RGS8: variants seen among roughly 807,000 people sequenced by gnomAD.
RGS8 encodes the protein regulator of G-protein signaling 8.
RGS8 carries 8 observed loss-of-function variants against 21.7 expected under a neutral mutation model. The observed-to-expected ratio is 0.37, with a 90% confidence interval of 0.22 to 0.66. RGS8 has a LOEUF of 0.66. Among genes scored for constraint, RGS8 ranks in the 30% least tolerant of loss-of-function variants. RGS8 has a pLI of 0.59. For synonymous variants in RGS8, 80 were observed against 83.6 expected, an observed-to-expected ratio of 0.96 and a Z score of 0.24; for missense variants, 157 against 217.9, an observed-to-expected ratio of 0.72 and a Z score of 1.76.
At chr1:182,680,982 C>T (rs895409871) in intron 1 of RGS8, among the ~76,000 whole-genome samples, 3 of 152,230 alleles carry the variant, frequency 2.0e-5, no homozygotes, top group African/African-American at 4.8e-5. Flanking sequence ...AGGACCTTGC[C>T]TTCTCATCTC....
At chr1:182,683,824 C>T (rs1664619813) in intron 1 of RGS8, among the ~76,000 whole-genome samples, 1 of 152,046 alleles carries the variant, frequency 6.6e-6, no homozygotes, top group Non-Finnish European at 1.5e-5. Flanking sequence ...AATGTGTGAC[C>T]AACGTTAGTC....
At chr1:182,716,259 G>A in the RGS8 span, among the ~76,000 whole-genome samples, 6,136 of 151,650 alleles carry the variant, frequency 0.04, 137 homozygotes, top group Middle Eastern at 0.058. Flanking sequence ...CTGAGTAGCT[G>A]GGACTACAGG....
At chr1:182,739,649 G>T in the RGS8 span, among the ~76,000 whole-genome samples, 1 of 152,148 alleles carries the variant, frequency 6.6e-6, no homozygotes, top group African/African-American at 2.4e-5. Flanking sequence ...AGCCTAGGGG[G>T]AATCGCCATG....
chr1:182,709,985 CCAAT>C, the RGS8 span, among the ~76,000 whole-genome samples: 5 of 152,248 alleles, frequency 3.3e-5, no homozygotes, highest in Non-Finnish European at 7.4e-5. Flanking sequence ...TTAGTCAACT[CCAAT>C]CATTTTTCCA....
At chr1:182,739,031 C>G in the RGS8 span, among the ~76,000 whole-genome samples, 6 of 152,336 alleles carry the variant, frequency 3.9e-5, no homozygotes, top group South Asian at 8.3e-4. Flanking sequence ...AACTTCTGAT[C>G]TCTCCTCACC....
At chr1:182,702,312 G>T in the RGS8 span, among the ~76,000 whole-genome samples, 1 of 152,246 alleles carries the variant, frequency 6.6e-6, no homozygotes, top group East Asian at 1.9e-4. Flanking sequence ...CCAGGAACAG[G>T]CAACCAAATA....
the RGS8 span, among the ~76,000 whole-genome samples, chr1:182,705,153 G>A: frequency 6.6e-6 from 1 of 152,172 alleles, no homozygotes; most frequent in Admixed American, 6.5e-5. Context: ...TGGCTTACGT[G>A]ATTATGAAGG....
chr1:182,676,968 G>A (rs1223960207), upstream of RGS8, among the ~76,000 whole-genome samples: 1 of 152,194 alleles, frequency 6.6e-6, no homozygotes, highest in Non-Finnish European at 1.5e-5. Context: ...TGGGGGAAAT[G>A]CCCTGTAAAT....
At chr1:182,673,156 C>A (rs1664242583), upstream of RGS8, among the ~76,000 whole-genome samples, 1 of 152,192 alleles carries the variant, frequency 6.6e-6, no homozygotes, top group Admixed American at 6.5e-5. Flanking sequence ...GCCTTTGCTG[C>A]AAACCGTTTC....
intron 3 of RGS8, among the ~76,000 whole-genome samples, chr1:182,667,260 G>T (rs1239710710): frequency 1.3e-5 from 2 of 152,200 alleles, no homozygotes; most frequent in East Asian, 3.8e-4. Context: ...TCTAAATTAG[G>T]ATTCTCTGTA....
At chr1:182,647,912 G>T (rs1196942496) in intron 6 of RGS8, among the ~76,000 whole-genome samples, 1 of 152,198 alleles carries the variant, frequency 6.6e-6, no homozygotes, top group Non-Finnish European at 1.5e-5. Context: ...GCTAGCACAT[G>T]TTTAACTGAC....
chr1:182,672,242 G>C (rs561183290), upstream of RGS8: 18 of 175,932 alleles, frequency 1.0e-4, no homozygotes, highest in South Asian at 2.8e-4. Flanking sequence ...CGGGAGTGGG[G>C]AGCGTAAAGA....
chr1:182,731,863 C>G, the RGS8 span, among the ~76,000 whole-genome samples: 1 of 152,226 alleles, frequency 6.6e-6, no homozygotes, highest in Non-Finnish European at 1.5e-5. Context: ...TTAGTGGCAG[C>G]TAATCTCTCC....
chr1:182,675,788 C>T (rs571560549), upstream of RGS8, among the ~76,000 whole-genome samples: 1 of 152,138 alleles, frequency 6.6e-6, no homozygotes, highest in Non-Finnish European at 1.5e-5. Flanking sequence ...GCTGTAAGGC[C>T]CTCTGACAGC....
chr1:182,731,745 A>G, the RGS8 span, among the ~76,000 whole-genome samples: 1 of 152,240 alleles, frequency 6.6e-6, no homozygotes. Context: ...AGAAATCCTC[A>G]GAGTACTTGA....
intron 1 of RGS8, among the ~76,000 whole-genome samples, chr1:182,681,679 T>TG (rs1346535525): frequency 6.6e-6 from 1 of 152,186 alleles, no homozygotes; most frequent in Non-Finnish European, 1.5e-5. Flanking sequence ...GAGCACTCAG[T>TG]GAGACGCCTT....
chr1:182,649,095 C>G (rs550036309), intron 5 of RGS8, among the ~76,000 whole-genome samples: 1 of 151,810 alleles, frequency 6.6e-6, no homozygotes, highest in South Asian at 2.1e-4. Flanking sequence ...ACCAAAAATA[C>G]GTCTCATAAA....
intron 5 of RGS8, among the ~76,000 whole-genome samples, chr1:182,656,113 C>G (rs1449219114): frequency 1.3e-5 from 2 of 152,200 alleles, no homozygotes; most frequent in African/African-American, 4.8e-5. Context: ...AGTGTTAGCT[C>G]TTAGCAAAGT....
chr1:182,740,421 A>T, the RGS8 span, among the ~76,000 whole-genome samples: 2 of 152,290 alleles, frequency 1.3e-5, no homozygotes, highest in East Asian at 3.9e-4. Context: ...TGAGATAAAT[A>T]ATATTACTAT....
Sources: allele counts gnomAD v4.1 joint callset (sites outside exome capture counted in the v4.1 genomes callset), GRCh38; gene constraint gnomAD v4.1.1; transcripts MANE v1.5; gene names NCBI Gene and HGNC (gene_info 2026-07-23, HGNC 2026-07-21).